Variants in ENPP2 observed in about 807,000 individuals in gnomAD.
The protein encoded by ENPP2 is ectonucleotide pyrophosphatase/phosphodiesterase 2.
A neutral mutation model predicts 120.2 loss-of-function variants in ENPP2; 51 were observed. The observed-to-expected ratio is 0.42, with a 90% CI of 0.34 to 0.54. The LOEUF (loss-of-function observed/expected upper bound fraction) is 0.54, where lower values mean the gene tolerates loss of function less well. ENPP2 is among the 20% of genes least tolerant of loss of function. The probability of loss-of-function intolerance (pLI) is 0.04; values close to 1 mark genes in which losing one functional copy is unlikely to be tolerated. For missense variants in ENPP2, 920 were observed against 1,066.5 expected (o/e 0.86, Z 1.91); for synonymous variants, 365 against 366.4 (o/e 1.00, Z 0.04).
intron 12 of ENPP2, among the ~76,000 whole-genome samples, chr8:119,591,340 A>T (rs1813491351): frequency 6.6e-6 from 1 of 152,206 alleles, no homozygotes; most frequent in Non-Finnish European, 1.5e-5. Context: ...TAGGTAGGGA[A>T]TTTTTTTAAA....
At chr8:119,585,793 A>C (rs1258733041) in intron 15 of ENPP2, among the ~76,000 whole-genome samples, 1 of 152,212 alleles carries the variant, frequency 6.6e-6, no homozygotes, top group Non-Finnish European at 1.5e-5. Context: ...GTCCTCTATA[A>C]ATATTGCTAC....
chr8:119,561,546 AG>A (rs1355902768), intron 24 of ENPP2, among the ~76,000 whole-genome samples: 4 of 152,152 alleles, frequency 2.6e-5, no homozygotes, highest in Non-Finnish European at 5.9e-5. Flanking sequence ...AAGGACCTGA[AG>A]GTTTTTCCAT....
chr8:119,668,401 TTTTC>T (rs1419270096), intron 1 of ENPP2, among the ~76,000 whole-genome samples: 3 of 144,532 alleles, frequency 2.1e-5, no homozygotes, highest in African/African-American at 7.8e-5. Flanking sequence ...TATACTTTTT[TTTTC>T]TTTTTCTTTT....
At chr8:119,569,025 CT>C (rs1472929920) in intron 21 of ENPP2, among the ~76,000 whole-genome samples, 1 of 152,158 alleles carries the variant, frequency 6.6e-6, no homozygotes, top group African/African-American at 2.4e-5. Flanking sequence ...AGAAGATTCC[CT>C]TGCACATTAG....
At position 119,557,371 on chromosome 8, in the gene ENPP2, A is replaced by G; in HGVS notation, c.*150T>C. Reference sequence around the variant, plus strand: ...TACCTAAATCAAGCATTAGAGAAAAACAGTGGAGTCATTCAGGCATAATAT... The same window carrying G: ...TACCTAAATCAAGCATTAGAGAAAAGCAGTGGAGTCATTCAGGCATAATAT... On this transcript the variant is annotated 3_prime_UTR_variant, in exon 25 of 25. Coordinates refer to ENST00000075322, the MANE Select transcript of ENPP2 (RefSeq NM_001040092.3). The G allele has an allele frequency of 1.6e-6, 1 of 609,268 alleles. No individual in the cohort carries two copies. The highest frequency in any genetic ancestry group is 2.7e-6 in the Non-Finnish European group (1 of 364,410). 37.7% of individuals were successfully genotyped at this position (609,268 alleles called of 1,614,324 possible). A position where few individuals can be genotyped will look rare whatever the true frequency, so the allele number is the denominator to read the frequency against.
chr8:119,668,138 G>T (rs1818128750), intron 1 of ENPP2, among the ~76,000 whole-genome samples: 1 of 152,110 alleles, frequency 6.6e-6, no homozygotes, highest in African/African-American at 2.4e-5. Flanking sequence ...ATCAAAGCAA[G>T]TATAATATTG....
upstream of ENPP2, among the ~76,000 whole-genome samples, chr8:119,642,185 G>A (rs905589228): frequency 2.0e-5 from 3 of 151,994 alleles, no homozygotes; most frequent in East Asian, 5.8e-4. Context: ...CGACTTTTTG[G>A]TATACTCTTT....
At chr8:119,575,509 T>C (rs564495096) in intron 19 of ENPP2, among the ~76,000 whole-genome samples, 3 of 152,272 alleles carry the variant, frequency 2.0e-5, no homozygotes, top group Non-Finnish European at 4.4e-5. Flanking sequence ...ACAAAATGTA[T>C]ATGAAAAGCA....
At chr8:119,585,891 A>G (rs534616143) in intron 15 of ENPP2, among the ~76,000 whole-genome samples, 1 of 151,884 alleles carries the variant, frequency 6.6e-6, no homozygotes, top group East Asian at 1.9e-4. Context: ...AAGTAGTAAG[A>G]ATAGAGTTTA....
intron 11 of ENPP2, among the ~76,000 whole-genome samples, chr8:119,596,665 A>G (rs1813916085): frequency 6.6e-6 from 1 of 152,236 alleles, no homozygotes; most frequent in Non-Finnish European, 1.5e-5. Context: ...TAAGGTTTTC[A>G]GTACAGAGGA....
At position 119,585,621 on chromosome 8, in the gene ENPP2, G is replaced by T. The variant is rs1813051236; in HGVS notation, c.1367+565C>A. On this transcript the variant is annotated intron_variant, in intron 15 of 24. Transcript: ENST00000075322. The stretch of plus-strand genomic sequence containing the variant: ...AATTAACTCATTGGAAGTTGTTAGA[G>T]CCTCCAGACATGTCCTAGACCACAT... Among the ~76,000 whole-genome samples the T allele has an allele frequency of 2.6e-5, 4 of 152,146 alleles. No individual in the cohort carries two copies. In the South Asian group the frequency reaches 8.3e-4, roughly 32 times the overall value.
chr8:119,638,865 T>C, upstream of ENPP2: 4 of 1,588,614 alleles, frequency 2.5e-6, no homozygotes. Context: ...GTTTAGTCTA[T>C]TAACTATAAG....
chr8:119,641,652 T>C (rs1283674729), upstream of ENPP2, among the ~76,000 whole-genome samples: 1 of 152,242 alleles, frequency 6.6e-6, no homozygotes, highest in Non-Finnish European at 1.5e-5. Context: ...TTTCAAATTT[T>C]ATTGGGTATC....
chr8:119,671,639 G>C (rs184788486), intron 1 of ENPP2, among the ~76,000 whole-genome samples: 1 of 152,310 alleles, frequency 6.6e-6, no homozygotes, highest in Non-Finnish European at 1.5e-5. Context: ...GGGAGAAGAA[G>C]GGAGAAGACA....
intron 3 of ENPP2, among the ~76,000 whole-genome samples, 166 bp downstream of exon 3, chr8:119,626,399 T>C (rs921340044): frequency 1.1e-4 from 16 of 152,192 alleles, no homozygotes; most frequent in African/African-American, 3.9e-4. Flanking sequence ...ACAATGGTCA[T>C]TGACATAGGG....
chr8:119,652,459 T>C (rs1036304000), intron 1 of ENPP2, among the ~76,000 whole-genome samples: 8 of 152,160 alleles, frequency 5.3e-5, no homozygotes. Context: ...GTCCTGCAGA[T>C]TTTTTGCAGA....
intron 2 of ENPP2, among the ~76,000 whole-genome samples, chr8:119,627,714 T>C (rs1489916813): frequency 6.6e-6 from 1 of 151,680 alleles, no homozygotes; most frequent in African/African-American, 2.4e-5. Context: ...ATACAAAAAT[T>C]AGCCCAGCGT....
chr8:119,583,619 C>A (rs1326959097), intron 17 of ENPP2, 98 bp downstream of exon 17: 1 of 694,210 alleles, frequency 1.4e-6, no homozygotes, highest in African/African-American at 1.8e-5. Flanking sequence ...GAGGTAGTCC[C>A]AGAAAATAGA....
intron 8 of ENPP2, among the ~76,000 whole-genome samples, chr8:119,614,187 T>C (rs1485148788): frequency 1.3e-5 from 2 of 149,436 alleles, no homozygotes; most frequent in African/African-American, 4.9e-5. Flanking sequence ...TGCCTCAGCC[T>C]CCCGAGTAGC....
Sources: allele counts gnomAD v4.1 joint callset (sites outside exome capture counted in the v4.1 genomes callset), GRCh38; gene constraint gnomAD v4.1.1; transcripts MANE v1.5; gene names NCBI Gene and HGNC (gene_info 2026-07-23, HGNC 2026-07-21).